The following CDK18 variants were observed in gnomAD, a reference collection of about 807,000 sequenced individuals.
CDK18 encodes the protein cyclin-dependent kinase 18.
A neutral mutation model predicts 62.0 loss-of-function variants in CDK18; 52 were observed. That is an observed-to-expected ratio of 0.84 (90% CI 0.67 to 1.06). The LOEUF is 1.06. CDK18 is among the 50% of genes least tolerant of loss of function. The pLI, the probability that CDK18 is intolerant of heterozygous loss-of-function variation, is 0.00. For synonymous variants in CDK18, 237 were observed against 247.0 expected, an observed-to-expected ratio of 0.96 and a Z score of 0.38; for missense variants, 604 against 619.9, an observed-to-expected ratio of 0.97 and a Z score of 0.27.
rs770669867 is a variant in CDK18, at chr1:205,527,803, T to C, written c.739T>C (p.Phe247Leu). Residue 247 changes from phenylalanine (F) to leucine (L), a missense_variant, in exon 9 of 16, where the codon TTC (phenylalanine) becomes CTC (leucine). Coordinates refer to ENST00000429964, the MANE Select transcript of CDK18 (RefSeq NM_212502.3). The surrounding 1 kb of genome is among the most constrained non-coding windows in gnomAD (Gnocchi z 4.1). Reference protein sequence around the residue: ...MSMHNVKIFMFQLLRGLAYCH... With the variant: ...MSMHNVKIFMLQLLRGLAYCH... ...CTTCCCCCTCCCCCAGATTTTCATGTTCCAGCTGCTCCGGGGCCTCGCCTA... is the reference window on the plus strand; with the variant it reads ...CTTCCCCCTCCCCCAGATTTTCATGCTCCAGCTGCTCCGGGGCCTCGCCTA... 1.9e-6 allele frequency: 3 copies of C among 1,613,892 alleles called. No homozygotes were observed. The highest frequency in any genetic ancestry group is 2.5e-6 in the Non-Finnish European group (3 of 1,179,836).
intron 1 of CDK18, among the ~76,000 whole-genome samples, chr1:205,510,295 C>T (rs1667506335): frequency 1.3e-5 from 2 of 152,080 alleles, no homozygotes; most frequent in Admixed American, 1.3e-4. Flanking sequence ...TGCGGGGTGA[C>T]CAGCCCAGGA....
chr1:205,521,999 G>A (rs1222500085), intron 1 of CDK18, among the ~76,000 whole-genome samples: 1 of 152,202 alleles, frequency 6.6e-6, no homozygotes, highest in Non-Finnish European at 1.5e-5. Flanking sequence ...ATGGGTGGAA[G>A]CCCTTGTGAG....
Position 205,516,349 on chromosome 1 carries a change from T to C in CDK18, c.-21-6798T>C, listed in dbSNP as rs1182664811. On this transcript the variant is annotated intron_variant, in intron 1 of 15. Transcript: ENST00000429964. This position sits in a 1 kb window ranked among gnomAD's most constrained non-coding sequence, Gnocchi z 4.8. ...CAGGGGCAGGGACTGGGAGATAGGG[T>C]GTCATAGGGATCCTGGCTGGTGGTC... Among the ~76,000 whole-genome samples, 9 of 151,506 alleles carry C rather than the reference T, an allele frequency of 5.9e-5. No individual in the cohort carries two copies. Among genetic ancestry groups the C allele is most frequent in the Admixed American group, 5.3e-4 (8 of 15,200 alleles).
chr1:205,509,846 G>A (rs926063136), intron 1 of CDK18, among the ~76,000 whole-genome samples: 2 of 152,142 alleles, frequency 1.3e-5, no homozygotes, highest in African/African-American at 4.8e-5. Flanking sequence ...TTGGGAGGCC[G>A]AGGTAGGTGG....
At chr1:205,526,600 G>C in intron 7 of CDK18, 139 bp downstream of exon 7, 2 of 934,246 alleles carry the variant, frequency 2.1e-6, no homozygotes, top group Non-Finnish European at 3.5e-6. Context: ...ATTTTCAGAT[G>C]CTCCCGTGCA....
intron 1 of CDK18, among the ~76,000 whole-genome samples, chr1:205,520,156 TC>T (rs1422563817): frequency 6.6e-6 from 1 of 152,152 alleles, no homozygotes; most frequent in Non-Finnish European, 1.5e-5. Flanking sequence ...CTGCTTCCCT[TC>T]CCTGCTCTGA....
chr1:205,528,930 C>G lies in CDK18; in HGVS notation c.975-69C>G. The G allele has an allele frequency of 9.6e-7, 1 of 1,037,942 alleles. No individual in the cohort carries two copies. Among genetic ancestry groups the G allele is most frequent in the African/African-American group, 1.6e-5 (1 of 62,478 alleles). The allele number at this position is 1,037,942 out of a possible 1,614,324, so 64.3% of individuals were successfully genotyped here. ...CCTGTGGCAGGTCGTCATTGGTGCC[C>G]TGGTGGAGCAGCCCTAGGAAGGGCG... On this transcript the variant is annotated intron_variant, in intron 10 of 15. Transcript: ENST00000429964. This position sits in a 1 kb window ranked among gnomAD's most constrained non-coding sequence, Gnocchi z 4.2.
chr1:205,529,721 T>C lies in CDK18; in HGVS notation c.1221+158T>C, dbSNP rs1244181996. ...CCACCCCCAAGGCCAAGGGGTGGCCTCCATACACATCCTCTGGAGTCTGTG... is the reference window on the plus strand; with the variant it reads ...CCACCCCCAAGGCCAAGGGGTGGCCCCCATACACATCCTCTGGAGTCTGTG... On this transcript the variant is annotated intron_variant, in intron 13 of 15. Transcript: ENST00000429964. 4 of 1,539,090 alleles carry C rather than the reference T, an allele frequency of 2.6e-6. No homozygotes were observed. In the South Asian group the frequency reaches 4.8e-5, roughly 18 times the overall value.
chr1:205,531,236 G>T, intron 15 of CDK18, 108 bp from the exon 16 acceptor site: 1 of 985,078 alleles, frequency 1.0e-6, no homozygotes, highest in Non-Finnish European at 1.6e-6. Flanking sequence ...GCATGCCCTT[G>T]CTTGCTCTGT....
chr1:205,529,532 A>T lies in CDK18; in HGVS notation c.1190A>T (p.Asp397Val). ...LINHAPRLDTDGIHLLSSLLL... is the reference protein window; with the variant it reads ...LINHAPRLDTVGIHLLSSLLL... ...CCTTCTCCTTGCAGGTTGGATACGGATGGCATCCACCTCCTGAGCAGCCTG... is the reference window on the plus strand; with the variant it reads ...CCTTCTCCTTGCAGGTTGGATACGGTTGGCATCCACCTCCTGAGCAGCCTG... Residue 397 changes from aspartate (D) to valine (V), a missense_variant, in exon 13 of 16, where the codon GAT (aspartate) becomes GTT (valine). By Grantham distance (152) the Asp-to-Val change is radical. Coordinates refer to ENST00000429964, the MANE Select transcript of CDK18 (RefSeq NM_212502.3). The T allele has an allele frequency of 8.1e-6, 13 of 1,612,048 alleles. No individual in the cohort carries two copies. Among genetic ancestry groups the T allele is most frequent in the Non-Finnish European group, 1.1e-5 (13 of 1,178,842 alleles).
intron 1 of CDK18, among the ~76,000 whole-genome samples, chr1:205,520,143 C>T (rs1171033800): frequency 6.6e-6 from 1 of 152,196 alleles, no homozygotes; most frequent in Non-Finnish European, 1.5e-5. Flanking sequence ...TGTGGGGGGC[C>T]TCCTGCTTCC....
intron 11 of CDK18, 73 bp downstream of exon 11, chr1:205,529,169 G>C: frequency 7.0e-7 from 1 of 1,423,780 alleles, no homozygotes; most frequent in Non-Finnish European, 9.7e-7. Flanking sequence ...GCGCGGAGCG[G>C]GACGGGGAGG....
intron 14 of CDK18, 60 bp downstream of exon 14, chr1:205,530,409 G>A: frequency 6.5e-7 from 1 of 1,531,392 alleles, no homozygotes; most frequent in Non-Finnish European, 9.0e-7. Context: ...GTTGGTGAGT[G>A]TGGGCAGAAG....
chr1:205,526,400 T>C lies in CDK18; in HGVS notation c.605T>C (p.Ile202Thr), dbSNP rs1222393134. The change falls in exon 7 of 16, where the codon ATT becomes ACT. Residue 202 changes from isoleucine to threonine, a missense_variant. By Grantham distance (89) the Ile-to-Thr change is moderately conservative. Transcript: ENST00000429964. ...SLLKNLKHAN[I>T]VTLHDLIHTD... ...CTGAAGAACCTGAAGCACGCCAATA[T>C]TGTGACCCTGCATGACCTCATCCAC... is the stretch of plus-strand genomic sequence containing the variant. 2 of 1,613,990 alleles carry C rather than the reference T, an allele frequency of 1.2e-6. No individual in the cohort carries two copies. Among genetic ancestry groups the C allele is most frequent in the African/African-American group, 2.7e-5 (2 of 74,898 alleles).
chr1:205,509,790 A>T (rs1191338235), intron 1 of CDK18, among the ~76,000 whole-genome samples: 1 of 152,126 alleles, frequency 6.6e-6, no homozygotes, highest in Non-Finnish European at 1.5e-5. Flanking sequence ...TATTCTTAAA[A>T]TGTTTCTGGC....
At position 205,530,325 on chromosome 1, in the gene CDK18, G is replaced by A. The variant is rs753271745; in HGVS notation, c.1288G>A (p.Glu430Lys). ...TCACTCCTACTTCCGGTCTCTGGGA[G>A]AGCGTGTGCACCAGCTTGAAGACAG... Reference protein sequence around the residue: ...LSHSYFRSLGERVHQLEDTAS... With the variant: ...LSHSYFRSLGKRVHQLEDTAS... The change falls in exon 14 of 16, where the codon GAG (glutamate) becomes AAG (lysine). Residue 430 changes from glutamate to lysine, a missense_variant. Coordinates refer to ENST00000429964, the MANE Select transcript of CDK18 (RefSeq NM_212502.3). 6 of 1,613,008 alleles carry A rather than the reference G, an allele frequency of 3.7e-6. No individual in the cohort carries two copies. Among genetic ancestry groups the A allele is most frequent in the African/African-American group, 2.7e-5 (2 of 74,940 alleles).
rs1668407248 is a variant in CDK18 at position 205,526,058 on chromosome 1, A to C, written c.457-7A>C. ...GCGCCTGGGGCCGCTGTGGCCCTCCATCCCAGGGCACCTATGCCACAGTCT... is the reference window on the plus strand; with the variant it reads ...GCGCCTGGGGCCGCTGTGGCCCTCCCTCCCAGGGCACCTATGCCACAGTCT... On this transcript the variant is annotated splice_region_variant and splice_polypyrimidine_tract_variant and intron_variant, in intron 5 of 15. Transcript: ENST00000429964. 6.2e-7 allele frequency: 1 copy of C among 1,604,784 alleles called. No homozygotes were observed. Among genetic ancestry groups the C allele is most frequent in the Non-Finnish European group, 8.5e-7 (1 of 1,173,764 alleles).
chr1:205,523,112 C>T, intron 1 of CDK18, 35 bp from the exon 2 acceptor site: 1 of 1,556,852 alleles, frequency 6.4e-7, no homozygotes, highest in Non-Finnish European at 8.7e-7. Flanking sequence ...TTGCCTTGTT[C>T]TTTTCAACTG....
At chr1:205,506,060 C>A (rs771340023) in intron 1 of CDK18, among the ~76,000 whole-genome samples, 1 of 152,210 alleles carries the variant, frequency 6.6e-6, no homozygotes, top group African/African-American at 2.4e-5. Flanking sequence ...TTCCTGGACA[C>A]GGGCCTGAGA....
Sources: gnomAD v4.1 joint callset for allele counts (sites outside exome capture counted in the v4.1 genomes callset) on GRCh38, gnomAD v4.1.1 for gene constraint, Gnocchi (gnomAD v3.1) non-coding constraint, MANE v1.5 for transcripts, NCBI Gene and HGNC (gene_info 2026-07-23, HGNC 2026-07-21) for gene names.